Variants in OR51B5 observed in about 807,000 individuals in gnomAD.
The protein encoded by OR51B5 is olfactory receptor family 51 subfamily B member 5.
For synonymous variants in OR51B5, 186 were observed against 144.8 expected, an observed-to-expected ratio of 1.28 and a Z score of -2.04; for missense variants, 456 against 374.6, an observed-to-expected ratio of 1.22 and a Z score of -1.79.
chr11:5,358,507 T>A lies in OR51B5; in HGVS notation n.85-11597A>T, dbSNP rs1050272192. Among the ~76,000 whole-genome samples the A allele has an allele frequency of 2.6e-5, 4 of 152,124 alleles. No homozygotes were observed. The South Asian group carries it at 8.3e-4, about 32-fold the overall frequency. ...GAAATTGAGGCAATAATTAATAGCTTACCAACCAAAAACAGTCCAGGACCA... is the reference window on the plus strand; with the variant it reads ...GAAATTGAGGCAATAATTAATAGCTAACCAACCAAAAACAGTCCAGGACCA... On this transcript the variant is annotated intron_variant and non_coding_transcript_variant, in intron 1 of 4. Coordinates refer to the OR51B5 transcript ENST00000415970.
chr11:5,381,091 T>A (rs1035478156), intron 1 of OR51B5, among the ~76,000 whole-genome samples: 1 of 151,600 alleles, frequency 6.6e-6, no homozygotes, highest in African/African-American at 2.4e-5. Flanking sequence ...ACTGGCCCCT[T>A]GAAAGCCAGG....
chr11:5,504,724 T>C (rs1846348333), intron 1 of OR51B5, among the ~76,000 whole-genome samples: 1 of 152,194 alleles, frequency 6.6e-6, no homozygotes, highest in Non-Finnish European at 1.5e-5. Flanking sequence ...TCACTCATTG[T>C]TTAACACTCC....
intron 1 of OR51B5, among the ~76,000 whole-genome samples, chr11:5,498,176 T>C (rs1851676487): frequency 6.6e-6 from 1 of 152,200 alleles, no homozygotes; most frequent in South Asian, 2.1e-4. Flanking sequence ...TGTTCTCAGT[T>C]CCTTGCCAAA....
At chr11:5,466,118 A>C (rs1421241204) in intron 1 of OR51B5, among the ~76,000 whole-genome samples, 1 of 152,216 alleles carries the variant, frequency 6.6e-6, no homozygotes, top group African/African-American at 2.4e-5. Flanking sequence ...ACAAAAACAA[A>C]CAACCCCATC....
intron 1 of OR51B5, among the ~76,000 whole-genome samples, chr11:5,446,275 G>A (rs917231530): frequency 1.3e-5 from 2 of 149,948 alleles, no homozygotes; most frequent in African/African-American, 2.4e-5. Flanking sequence ...CATAAAAAAA[G>A]AAAGTAGAAT....
chr11:5,496,166 G>A (rs1160911027), intron 1 of OR51B5, among the ~76,000 whole-genome samples: 1 of 151,962 alleles, frequency 6.6e-6, no homozygotes, highest in African/African-American at 2.4e-5. Flanking sequence ...GACTCTCAAT[G>A]GAGGTACCTG....
At chr11:5,373,987 C>T (rs907574161) in intron 1 of OR51B5, among the ~76,000 whole-genome samples, 1 of 152,190 alleles carries the variant, frequency 6.6e-6, no homozygotes, top group Non-Finnish European at 1.5e-5. Flanking sequence ...GTGGTTCTCC[C>T]AGCACACAGC....
At chr11:5,351,004 A>C (rs1194562497) in intron 1 of OR51B5, among the ~76,000 whole-genome samples, 3 of 152,114 alleles carry the variant, frequency 2.0e-5, no homozygotes, top group Non-Finnish European at 4.4e-5. Flanking sequence ...TTTTCCATAT[A>C]ATCTTTATAT....
chr11:5,359,350 C>G, intron 1 of OR51B5, among the ~76,000 whole-genome samples: 1 of 146,638 alleles, frequency 6.8e-6, no homozygotes, highest in Non-Finnish European at 1.5e-5. Flanking sequence ...ACACCAATAA[C>G]AGACAAACAG....
At chr11:5,406,376 A>C (rs1033339974) in intron 1 of OR51B5, among the ~76,000 whole-genome samples, 5 of 152,090 alleles carry the variant, frequency 3.3e-5, no homozygotes, top group Non-Finnish European at 5.9e-5. Flanking sequence ...AGTCTCAGAG[A>C]CAACATCAGG....
At chr11:5,413,726 T>G (rs1340147824) in intron 1 of OR51B5, among the ~76,000 whole-genome samples, 3 of 151,556 alleles carry the variant, frequency 2.0e-5, no homozygotes, top group African/African-American at 7.3e-5. Flanking sequence ...GAAGAGAAGT[T>G]TAGAGAAAAA....
At chr11:5,489,858 A>G in intron 1 of OR51B5, 1 of 566,002 alleles carries the variant, frequency 1.8e-6, no homozygotes. Flanking sequence ...CTCCTTGGGG[A>G]ACTCTGAATA....
At chr11:5,384,384 G>GAAGA (rs1381446183) in intron 1 of OR51B5, among the ~76,000 whole-genome samples, 184 of 152,268 alleles carry the variant, frequency 1.2e-3, no homozygotes, top group African/African-American at 4.2e-3. Context: ...TTAGAAACCA[G>GAAGA]GGTTCTCACA....
intron 1 of OR51B5, among the ~76,000 whole-genome samples, chr11:5,398,548 G>T (rs570274370): frequency 7.9e-4 from 121 of 152,268 alleles, no homozygotes; most frequent in African/African-American, 2.8e-3. Flanking sequence ...TTCACTTGTG[G>T]TGAGTGCACA....
At chr11:5,363,170 T>A (rs1466052049) in intron 1 of OR51B5, among the ~76,000 whole-genome samples, 2 of 151,600 alleles carry the variant, frequency 1.3e-5, no homozygotes, top group Non-Finnish European at 2.9e-5. Context: ...ACAGAATGAT[T>A]AGTCTGGAGA....
chr11:5,454,368 G>T (rs139102367), intron 1 of OR51B5: 3 of 1,613,054 alleles, frequency 1.9e-6, no homozygotes, highest in Non-Finnish European at 2.5e-6. Context: ...CATTTATAGC[G>T]CCAAGACAAA....
At chr11:5,453,390 CTCT>C in intron 1 of OR51B5, 1 of 808,986 alleles carries the variant, frequency 1.2e-6, no homozygotes, top group Admixed American at 3.1e-5. Context: ...ATCGCTTTGT[CTCT>C]TATCTCCTGA....
At chr11:5,462,036 G>A (rs2736570) in intron 1 of OR51B5, among the ~76,000 whole-genome samples, 1,809 of 152,216 alleles carry the variant, frequency 0.012, 37 homozygotes, top group African/African-American at 0.042. Context: ...TATTTTTTAG[G>A]CTCGTTAGGC....
chr11:5,366,964 G>A (rs1486721388), intron 1 of OR51B5, among the ~76,000 whole-genome samples: 3 of 152,026 alleles, frequency 2.0e-5, no homozygotes, highest in Non-Finnish European at 4.4e-5. Context: ...CATGCCTAAT[G>A]GTCTCCTAAC....
Sources: allele counts gnomAD v4.1 joint callset (sites outside exome capture counted in the v4.1 genomes callset), GRCh38; gene constraint gnomAD v4.1.1; transcripts MANE v1.5; gene names NCBI Gene and HGNC (gene_info 2026-07-23, HGNC 2026-07-21).